CDK14: variants seen among roughly 807,000 people sequenced by gnomAD.
CDK14 encodes the protein cyclin-dependent kinase 14.
CDK14 carries 34 observed loss-of-function variants against 60.7 expected under a neutral mutation model. The ratio of observed to expected loss-of-function variants is 0.56; its 90% CI spans 0.43 to 0.75. The LOEUF (loss-of-function observed/expected upper bound fraction) is 0.75. Among genes scored for constraint, CDK14 ranks in the 30% least tolerant of loss-of-function variants. The probability of loss-of-function intolerance (pLI) is 0.00; values close to 1 mark genes in which losing one functional copy is unlikely to be tolerated. For missense variants in CDK14, 482 were observed against 564.1 expected (o/e 0.85, Z 1.47); for synonymous variants, 197 against 203.7 (o/e 0.97, Z 0.28).
intron 10 of CDK14, among the ~76,000 whole-genome samples, chr7:91,043,214 T>G (rs1797137395): frequency 6.6e-6 from 1 of 152,254 alleles, no homozygotes; most frequent in African/African-American, 2.4e-5. Context: ...CAAAAAAGTT[T>G]TGCTAACGCA....
At chr7:90,963,299 A>G (rs1794658657) in intron 9 of CDK14, among the ~76,000 whole-genome samples, 3 of 151,842 alleles carry the variant, frequency 2.0e-5, no homozygotes, top group Non-Finnish European at 1.5e-5. Flanking sequence ...GAGTGTGCCT[A>G]TAGTCCCACA....
chr7:90,665,538 C>T (rs1027187512), intron 2 of CDK14, among the ~76,000 whole-genome samples: 45 of 152,180 alleles, frequency 3.0e-4, no homozygotes, highest in African/African-American at 9.9e-4. Context: ...CAGTTTCAGT[C>T]CGGGTTATTA....
At chr7:91,109,792 T>G (rs1026435953) in intron 12 of CDK14, among the ~76,000 whole-genome samples, 2 of 152,018 alleles carry the variant, frequency 1.3e-5, no homozygotes, top group African/African-American at 2.4e-5. Context: ...CAAAAGAAGC[T>G]GAGGTCATTA....
intron 5 of CDK14, among the ~76,000 whole-genome samples, chr7:90,805,742 A>G (rs1054481461): frequency 6.6e-6 from 1 of 152,114 alleles, no homozygotes; most frequent in African/African-American, 2.4e-5. Context: ...ACACCTGTCA[A>G]AATCCCAGCC....
At chr7:90,895,727 A>ATTTTTTTTT (rs35655255) in intron 6 of CDK14, among the ~76,000 whole-genome samples, 6 of 105,030 alleles carry the variant, frequency 5.7e-5, no homozygotes, top group Admixed American at 1.1e-4. Context: ...CACTTGGCTA[A>ATTTTTTTTT]TTTTTTTTTT....
intron 2 of CDK14, among the ~76,000 whole-genome samples, chr7:90,693,160 T>C (rs1801590304): frequency 1.3e-5 from 2 of 152,254 alleles, no homozygotes; most frequent in African/African-American, 4.8e-5. Flanking sequence ...GGTTGCTCTG[T>C]GTATTCTTCC....
chr7:91,096,825 C>A (rs1408501822), intron 12 of CDK14, among the ~76,000 whole-genome samples: 3 of 152,140 alleles, frequency 2.0e-5, no homozygotes, highest in Non-Finnish European at 1.5e-5. Context: ...AGGCCTTGGC[C>A]TGACATGAGA....
chr7:90,608,026 G>A (rs1799456185), intron 2 of CDK14, among the ~76,000 whole-genome samples: 1 of 152,200 alleles, frequency 6.6e-6, no homozygotes, highest in Non-Finnish European at 1.5e-5. Flanking sequence ...GATTGAAGGT[G>A]AAAGAAGATT....
intron 10 of CDK14, among the ~76,000 whole-genome samples, chr7:91,008,478 T>C (rs1246399849): frequency 2.6e-5 from 4 of 152,208 alleles, no homozygotes; most frequent in Non-Finnish European, 1.5e-5. Flanking sequence ...TTGTTTGTTG[T>C]TAATTTTGCT....
At chr7:91,144,624 A>G (rs17163627) in intron 14 of CDK14, among the ~76,000 whole-genome samples, 27,357 of 152,094 alleles carry the variant, frequency 0.18, 3,610 homozygotes, top group African/African-American at 0.36. Flanking sequence ...CAGTGTTTGG[A>G]CCACGCTGTA....
chr7:90,903,780 T>G (rs1792599281), intron 7 of CDK14, among the ~76,000 whole-genome samples: 2 of 152,190 alleles, frequency 1.3e-5, no homozygotes, highest in African/African-American at 4.8e-5. Context: ...ATACCCATCA[T>G]TATACATTGT....
At chr7:90,984,761 A>G (rs1307019877) in intron 10 of CDK14, among the ~76,000 whole-genome samples, 4 of 152,318 alleles carry the variant, frequency 2.6e-5, no homozygotes, top group Non-Finnish European at 5.9e-5. Context: ...ATGTGTTGAT[A>G]ATGGCACCTC....
chr7:91,133,318 A>G (rs1383373031), intron 14 of CDK14, among the ~76,000 whole-genome samples: 3 of 152,144 alleles, frequency 2.0e-5, no homozygotes, highest in South Asian at 4.1e-4. Context: ...GTATTTGACA[A>G]TATTAAAGTC....
At chr7:91,029,446 A>G (rs1796691672) in intron 10 of CDK14, among the ~76,000 whole-genome samples, 1 of 151,484 alleles carries the variant, frequency 6.6e-6, no homozygotes. Flanking sequence ...CTTTCAGTCC[A>G]TGAGCATGGA....
At chr7:91,043,368 C>G (rs907579560) in intron 10 of CDK14, among the ~76,000 whole-genome samples, 3 of 152,216 alleles carry the variant, frequency 2.0e-5, no homozygotes, top group African/African-American at 7.2e-5. Context: ...TGGCTGTGTT[C>G]AAATTGTGCT....
chr7:91,189,194 A>G (rs1382382593), intron 14 of CDK14, among the ~76,000 whole-genome samples: 2 of 152,180 alleles, frequency 1.3e-5, no homozygotes, highest in East Asian at 3.8e-4. Flanking sequence ...TAAACATAAG[A>G]ATATCAAAGC....
At chr7:91,173,607 C>T (rs1362305222) in intron 14 of CDK14, among the ~76,000 whole-genome samples, 4 of 152,114 alleles carry the variant, frequency 2.6e-5, no homozygotes, top group Admixed American at 2.0e-4. Flanking sequence ...ATGCACCGTG[C>T]GCGAGCCGAA....
chr7:91,186,831 A>T (rs182852939), intron 14 of CDK14, among the ~76,000 whole-genome samples: 1 of 152,300 alleles, frequency 6.6e-6, no homozygotes, highest in Non-Finnish European at 1.5e-5. Flanking sequence ...CCGACCCTAT[A>T]AAATCTGTGA....
intron 2 of CDK14, among the ~76,000 whole-genome samples, chr7:90,668,892 TA>T (rs1341957530): frequency 4.1e-5 from 6 of 147,244 alleles, no homozygotes; most frequent in African/African-American, 1.0e-4. Context: ...TTTGTTTATT[TA>T]TTTTTTTTTA....
Sources: gnomAD v4.1 joint callset for allele counts (sites outside exome capture counted in the v4.1 genomes callset) on GRCh38, gnomAD v4.1.1 for gene constraint, MANE v1.5 for transcripts, NCBI Gene and HGNC (gene_info 2026-07-23, HGNC 2026-07-21) for gene names.